LGALS8: variants seen among roughly 807,000 people sequenced by gnomAD.
The protein encoded by LGALS8 is galectin-8.
Under a neutral mutation model 35.9 loss-of-function variants are expected in LGALS8, and 30 were observed. The ratio of observed to expected loss-of-function variants is 0.83; its 90% CI spans 0.62 to 1.13. The LOEUF (loss-of-function observed/expected upper bound fraction) is 1.13. Ranked by LOEUF, LGALS8 falls within the 50% of genes most tolerant of loss-of-function variation. The pLI is 0.00. For missense variants in LGALS8, 366 were observed against 388.7 expected (o/e 0.94, Z 0.49); for synonymous variants, 138 against 136.1 (o/e 1.01, Z -0.10).
intron 2 of LGALS8, among the ~76,000 whole-genome samples, chr1:236,530,428 A>G (rs1661081988): frequency 6.6e-6 from 1 of 151,782 alleles, no homozygotes; most frequent in Non-Finnish European, 1.5e-5. Context: ...CTGCCCTCTG[A>G]TTTTTCACTC....
chr1:236,544,906 G>A lies in LGALS8; in HGVS notation c.795G>A (p.Met265Ile). ...CCTCTTTCCCATTTAGTCCTGGGATGTACTTTGAGGTGAGGTTACAGTTTT... is the reference window on the plus strand; with the variant it reads ...CCTCTTTCCCATTTAGTCCTGGGATATACTTTGAGGTGAGGTTACAGTTTT... ...NITSFPFSPG[M>I]YFEMIIYCDV... is the part of the protein sequence containing the mutation. Residue 265 changes from methionine to isoleucine, a missense_variant, in exon 9 of 10, where the codon ATG becomes ATA. Met to Ile is a conservative substitution (Grantham distance 10, BLOSUM62 1). Coordinates refer to ENST00000366584, the MANE Select transcript of LGALS8 (RefSeq NM_201544.4). The A allele has an allele frequency of 6.2e-7, 1 of 1,604,974 alleles. No individual in the cohort carries two copies. Among genetic ancestry groups the A allele is most frequent in the African/African-American group, 1.3e-5 (1 of 74,702 alleles).
At chr1:236,535,124 C>A in intron 2 of LGALS8, among the ~76,000 whole-genome samples, 1 of 148,284 alleles carries the variant, frequency 6.7e-6, no homozygotes. Context: ...AAGCTCTTTC[C>A]AACACTAAAA....
chr1:236,547,220 A>G (rs934783327), intron 9 of LGALS8, among the ~76,000 whole-genome samples: 3 of 152,206 alleles, frequency 2.0e-5, no homozygotes, highest in Admixed American at 2.0e-4. Context: ...CCAGCCTGGC[A>G]CTGGCAGCGT....
rs1402937715 is a variant in LGALS8, at chr1:236,551,008, A to G, written c.*2847A>G. 1 of 1,554,994 alleles carries G rather than the reference A, an allele frequency of 6.4e-7. No individual in the cohort carries two copies. The highest frequency in any genetic ancestry group is 1.4e-5 in the African/African-American group (1 of 72,294). ...ACATTCATCTAAAAAAAAAAAAAAA[A>G]AATCAAAATTAAAATCTGAGTCAGT... On this transcript the variant is annotated 3_prime_UTR_variant, in exon 10 of 10. Coordinates refer to ENST00000366584, the MANE Select transcript of LGALS8 (RefSeq NM_201544.4).
At chr1:236,537,035 G>A (rs74487407) in intron 2 of LGALS8, among the ~76,000 whole-genome samples, 1 of 41,724 alleles carries the variant, frequency 2.4e-5, no homozygotes, top group African/African-American at 9.2e-5. Flanking sequence ...TTTTTTTTTT[G>A]AGACGGAGCC....
rs1662691413 is a variant in LGALS8 at position 236,550,737 on chromosome 1, AG to A, written c.*2577del. 1.8e-6 allele frequency: 1 copy of A among 564,316 alleles called. No individual in the cohort carries two copies. 35.0% of individuals were successfully genotyped at this position (564,316 alleles called of 1,614,324 possible). A position where few individuals can be genotyped will look rare whatever the true frequency, so the allele number is the denominator to read the frequency against. ...GATAGGCAGGAGAGGCTTATGTGGC[AG>A]CACAAGCCAGGTGGGGATTTTGTAA... On this transcript the variant is annotated 3_prime_UTR_variant, in exon 10 of 10. Coordinates refer to ENST00000366584, the MANE Select transcript of LGALS8 (RefSeq NM_201544.4).
chr1:236,532,688 A>G (rs910185614), intron 2 of LGALS8, among the ~76,000 whole-genome samples: 3 of 151,936 alleles, frequency 2.0e-5, no homozygotes, highest in Non-Finnish European at 4.4e-5. Flanking sequence ...CGAAAAATAC[A>G]AAAAAATTAG....
intron 2 of LGALS8, among the ~76,000 whole-genome samples, 165 bp from the exon 3 acceptor site, chr1:236,537,332 C>T (rs1661601278): frequency 6.6e-6 from 1 of 151,570 alleles, no homozygotes; most frequent in South Asian, 2.1e-4. Context: ...CTTTTTCTAG[C>T]TGTTTGAATA....
chr1:236,546,462 T>C lies in LGALS8; in HGVS notation c.804+1547T>C, dbSNP rs536175563. ...TCTTCTTGCTCTTTCAAATACACTT[T>C]AGTTGTATCTACAGTTTTTTAAAAA... is the stretch of plus-strand genomic sequence containing the variant. On this transcript the variant is annotated intron_variant, in intron 9 of 9. Transcript: ENST00000366584. Among the ~76,000 whole-genome samples the C allele has an allele frequency of 5.8e-4, 89 of 152,314 alleles. 2 individuals are homozygous for C. In the South Asian group the frequency reaches 0.018, roughly 30 times the overall value.
upstream of LGALS8, among the ~76,000 whole-genome samples, chr1:236,522,308 C>G (rs1229022364): frequency 6.6e-6 from 1 of 152,100 alleles, no homozygotes; most frequent in Non-Finnish European, 1.5e-5. Context: ...TAAAGAAGTA[C>G]AAGGTTGACT....
intron 1 of LGALS8, among the ~76,000 whole-genome samples, chr1:236,525,160 T>A (rs1296144756): frequency 6.6e-6 from 1 of 152,198 alleles, no homozygotes; most frequent in African/African-American, 2.4e-5. Flanking sequence ...CTTAATAGTA[T>A]TAAAAGTATT....
In LGALS8 at chr1:236,552,933, T is replaced by C. The variant is rs1190576302; in HGVS notation, c.*4772T>C. ...GGGGTTCATCATAATAGTCTCATTG[T>C]TAGCATATCCTAATAAAGAATTTGA... is the stretch of plus-strand genomic sequence containing the variant. On this transcript the variant is annotated 3_prime_UTR_variant, in exon 10 of 10. Transcript: ENST00000366584. 1 of 152,270 alleles carries C rather than the reference T, an allele frequency of 6.6e-6. No individual in the cohort carries two copies. The highest frequency in any genetic ancestry group is 1.9e-4 in the East Asian group (1 of 5,204). 9.4% of individuals were successfully genotyped at this position (152,270 alleles called of 1,614,324 possible).
upstream of LGALS8, among the ~76,000 whole-genome samples, chr1:236,519,364 C>G (rs976061486): frequency 6.6e-6 from 1 of 151,132 alleles, no homozygotes; most frequent in African/African-American, 2.4e-5. Flanking sequence ...ACACTCCAGC[C>G]TGGGTAATAG....
At chr1:236,533,967 C>A (rs574122828) in intron 2 of LGALS8, among the ~76,000 whole-genome samples, 1 of 152,254 alleles carries the variant, frequency 6.6e-6, no homozygotes, top group Admixed American at 6.5e-5. Flanking sequence ...GATATAGCTG[C>A]CCCTGACCCC....
In LGALS8 at chr1:236,551,327, T is replaced by C. The variant is rs1245805581; in HGVS notation, c.*3166T>C. On this transcript the variant is annotated 3_prime_UTR_variant, in exon 10 of 10. Transcript: ENST00000366584. ...GTACTTTTGTAGCTTAGATAAGCAATGAATCAGTAAAGGACTGATCTACTT... is the reference window on the plus strand; with the variant it reads ...GTACTTTTGTAGCTTAGATAAGCAACGAATCAGTAAAGGACTGATCTACTT... 1 of 272,120 alleles carries C rather than the reference T, an allele frequency of 3.7e-6. No homozygotes were observed. Among genetic ancestry groups the C allele is most frequent in the Non-Finnish European group, 7.0e-6 (1 of 142,862 alleles). The allele number at this position is 272,120 out of a possible 1,614,324, so 16.9% of individuals were successfully genotyped here.
chr1:236,532,589 C>G lies in LGALS8; in HGVS notation c.46-4908C>G, dbSNP rs556740405. Among the ~76,000 whole-genome samples the G allele has an allele frequency of 1.8e-4, 27 of 152,274 alleles. No individual in the cohort carries two copies. The East Asian group carries it at 5.0e-3, about 28-fold the overall frequency. ...AGGCGCGGTGGCTCACACCTGTAATCCCAGTACTTTGGGAGGCCGAGGTGG... is the reference window on the plus strand; with the variant it reads ...AGGCGCGGTGGCTCACACCTGTAATGCCAGTACTTTGGGAGGCCGAGGTGG... On this transcript the variant is annotated intron_variant, in intron 2 of 9. Transcript: ENST00000366584.
At chr1:236,536,689 G>C (rs548969460) in intron 2 of LGALS8, 1 of 152,608 alleles carries the variant, frequency 6.6e-6, no homozygotes, top group Non-Finnish European at 1.5e-5. Context: ...GGAATCCCAG[G>C]TGTGGGGGCG....
rs1215037093 is a variant in LGALS8 at position 236,524,505 on chromosome 1, C to G, written c.-104+444C>G. 1.1e-5 allele frequency: 5 copies of G among 446,086 alleles called. No individual in the cohort carries two copies. The Admixed American group carries it at 1.2e-4, about 11-fold the overall frequency. The allele number at this position is 446,086 out of a possible 1,614,324, so 27.6% of individuals were successfully genotyped here. ...ACAGTGGAGTGACCTCCATTGCGTT[C>G]CCTGCCTCTAACACGCTCTTTAGGA... On this transcript the variant is annotated intron_variant, in intron 1 of 9. Coordinates refer to ENST00000366584, the MANE Select transcript of LGALS8 (RefSeq NM_201544.4).
At chr1:236,534,059 C>A (rs1031982319) in intron 2 of LGALS8, among the ~76,000 whole-genome samples, 3 of 152,178 alleles carry the variant, frequency 2.0e-5, no homozygotes, top group Admixed American at 2.0e-4. Flanking sequence ...GTGAATACTG[C>A]GTCATTGTGG....
Sources: allele counts gnomAD v4.1 joint callset (sites outside exome capture counted in the v4.1 genomes callset), GRCh38; gene constraint gnomAD v4.1.1; transcripts MANE v1.5; gene names NCBI Gene and HGNC (gene_info 2026-07-23, HGNC 2026-07-21).